The following EGFR variants were observed in gnomAD, a reference collection of about 807,000 sequenced individuals.
EGFR encodes the protein epidermal growth factor receptor, also known as avian erythroblastic leukemia viral (v-erb-b) oncogene homolog.
In EGFR, 58 loss-of-function variants were observed where a neutral mutation model predicts 143.0. The ratio of observed to expected loss-of-function variants is 0.41; its 90% CI spans 0.33 to 0.50. The LOEUF (loss-of-function observed/expected upper bound fraction) is 0.50. EGFR is among the 20% of genes least tolerant of loss of function. The pLI is 0.39. For synonymous variants in EGFR, 613 were observed against 594.4 expected, an observed-to-expected ratio of 1.03 and a Z score of -0.45; for missense variants, 1,307 against 1,579.0, an observed-to-expected ratio of 0.83 and a Z score of 2.92.
In EGFR at chr7:55,116,883, T is replaced by A. The variant is rs146911420; in HGVS notation, c.89-25403T>A. 4.5e-3 allele frequency among the ~76,000 whole-genome samples: 683 copies of A among 152,362 alleles called. 1 individual carries two copies. Among genetic ancestry groups the A allele is most frequent in the Non-Finnish European group, 7.3e-3 (498 of 68,032 alleles). ...GTTCCATCATAGGAGAATACCACAC[T>A]GCGTTCGTCCATTCTACCGCCAATG... On this transcript the variant is annotated intron_variant, in intron 1 of 27. Coordinates refer to ENST00000275493, the MANE Select transcript of EGFR (RefSeq NM_005228.5).
At chr7:55,167,977 AT>A (rs1786152397) in intron 15 of EGFR, among the ~76,000 whole-genome samples, 1 of 152,214 alleles carries the variant, frequency 6.6e-6, no homozygotes, top group Non-Finnish European at 1.5e-5. Context: ...TGAGATACTA[AT>A]TATCTAGTTA....
intron 1 of EGFR, among the ~76,000 whole-genome samples, chr7:55,022,416 C>T (rs1786626616): frequency 6.6e-6 from 1 of 152,172 alleles, no homozygotes; most frequent in Admixed American, 6.5e-5. Flanking sequence ...ACCCCACCCT[C>T]CCTCCTCAAA....
chr7:55,033,422 G>A (rs1478560652), intron 1 of EGFR, among the ~76,000 whole-genome samples: 2 of 152,118 alleles, frequency 1.3e-5, no homozygotes, highest in Admixed American at 1.3e-4. Flanking sequence ...TGAACTCAGG[G>A]CCCCCTGGGG....
chr7:55,194,758 T>C (rs950640214), intron 22 of EGFR, among the ~76,000 whole-genome samples: 14 of 152,196 alleles, frequency 9.2e-5, no homozygotes, highest in African/African-American at 3.4e-4. Context: ...GTCACACCCA[T>C]TCTCAGGAAG....
chr7:55,200,157 C>G (rs1787782974), intron 23 of EGFR, among the ~76,000 whole-genome samples, 159 bp from the exon 24 acceptor site: 1 of 152,216 alleles, frequency 6.6e-6, no homozygotes, highest in Non-Finnish European at 1.5e-5. Flanking sequence ...GTAACCAGTA[C>G]TAGCTGGCCA....
intron 1 of EGFR, among the ~76,000 whole-genome samples, chr7:55,039,587 C>T (rs980762487): frequency 6.6e-6 from 1 of 152,198 alleles, no homozygotes; most frequent in African/African-American, 2.4e-5. Flanking sequence ...TCCTCCATGG[C>T]TGGAGGCATT....
At chr7:55,143,701 A>G (rs545934567) in intron 3 of EGFR, among the ~76,000 whole-genome samples, 1 of 152,340 alleles carries the variant, frequency 6.6e-6, no homozygotes, top group East Asian at 1.9e-4. Context: ...GCGGGGTACC[A>G]GTGTTTACAT....
At chr7:55,126,443 T>C (rs1293271473) in intron 1 of EGFR, among the ~76,000 whole-genome samples, 1 of 152,216 alleles carries the variant, frequency 6.6e-6, no homozygotes, top group African/African-American at 2.4e-5. Flanking sequence ...CTACTCCCAC[T>C]TAACAGACAA....
rs768455679 is a variant in EGFR at position 55,174,837 on chromosome 7, CTGT to C, written c.2283+18_2283+20del. On this transcript the variant is annotated intron_variant, in intron 19 of 27. Coordinates refer to ENST00000275493, the MANE Select transcript of EGFR (RefSeq NM_005228.5). The stretch of plus-strand genomic sequence containing the variant: ...ATCCTCGATGTGAGTTTCTGCTTTG[CTGT>C]GTGGGGGTCCATGGCTCTGAACCTC... 1.2e-6 allele frequency: 2 copies of C among 1,605,598 alleles called. No individual in the cohort carries two copies. Among genetic ancestry groups the C allele is most frequent in the East Asian group, 2.2e-5 (1 of 44,820 alleles).
At chr7:55,019,660 C>T (rs1297393165) in intron 1 of EGFR, among the ~76,000 whole-genome samples, 1 of 152,120 alleles carries the variant, frequency 6.6e-6, no homozygotes, top group African/African-American at 2.4e-5. Context: ...TCCCAACTTT[C>T]TTCCCTCACT....
At chr7:55,200,626 TCC>T in intron 24 of EGFR, 6 of 625,284 alleles carry the variant, frequency 9.6e-6, no homozygotes, top group Non-Finnish European at 1.2e-5. Context: ...CATCTCCCCC[TCC>T]CCGTCTGAAC....
chr7:55,044,289 G>A (rs531816083), intron 1 of EGFR, among the ~76,000 whole-genome samples: 1 of 152,286 alleles, frequency 6.6e-6, no homozygotes, highest in African/African-American at 2.4e-5. Context: ...CTTTCTTTTG[G>A]TAGCAGCCTG....
intron 1 of EGFR, among the ~76,000 whole-genome samples, chr7:55,022,849 A>G (rs1210611782): frequency 2.0e-5 from 3 of 152,258 alleles, no homozygotes; most frequent in Non-Finnish European, 4.4e-5. Context: ...ATTGTGCTGC[A>G]TAATTACACT....
chr7:55,149,061 A>T (rs1295755683), intron 4 of EGFR, among the ~76,000 whole-genome samples: 1 of 152,080 alleles, frequency 6.6e-6, no homozygotes, highest in African/African-American at 2.4e-5. Flanking sequence ...TTAAATACAT[A>T]TAATAAAATA....
chr7:55,081,187 G>C (rs1790443081), intron 1 of EGFR, among the ~76,000 whole-genome samples: 1 of 152,154 alleles, frequency 6.6e-6, no homozygotes, highest in Non-Finnish European at 1.5e-5. Flanking sequence ...TTTTGGCAGG[G>C]TTCCTTGCAG....
intron 22 of EGFR, among the ~76,000 whole-genome samples, chr7:55,193,766 A>G (rs1338653467): frequency 6.6e-6 from 1 of 152,246 alleles, no homozygotes; most frequent in Non-Finnish European, 1.5e-5. Flanking sequence ...TCTAGTCAGT[A>G]TTACAAAAGC....
intron 15 of EGFR, chr7:55,166,151 C>CA (rs1228071656): frequency 8.1e-5 from 36 of 446,382 alleles, no homozygotes; most frequent in African/African-American, 2.2e-4. Context: ...AACTCTGTCG[C>CA]AAAAAACAAA....
chr7:55,083,716 A>G (rs1358252886), intron 1 of EGFR, among the ~76,000 whole-genome samples: 1 of 152,230 alleles, frequency 6.6e-6, no homozygotes, highest in South Asian at 2.1e-4. Flanking sequence ...TATTAGTCGA[A>G]TTTGTGTTTT....
intron 1 of EGFR, among the ~76,000 whole-genome samples, chr7:55,108,351 G>A (rs920328359): frequency 3.9e-5 from 6 of 152,238 alleles, no homozygotes; most frequent in South Asian, 2.1e-4. Context: ...CCTGGGTGCC[G>A]GTGTGCAGAG....
Sources: allele counts gnomAD v4.1 joint callset (sites outside exome capture counted in the v4.1 genomes callset), GRCh38; gene constraint gnomAD v4.1.1; transcripts MANE v1.5; gene names NCBI Gene and HGNC (gene_info 2026-07-23, HGNC 2026-07-21).